ADAMTS16: variants seen among roughly 807,000 people sequenced by gnomAD.
ADAMTS16 encodes ADAM metallopeptidase with thrombospondin type 1 motif 16.
In ADAMTS16, 94 loss-of-function variants were observed where a neutral mutation model predicts 145.8. That is an observed-to-expected ratio of 0.64 (90% CI 0.55 to 0.77). The LOEUF is 0.77. ADAMTS16 is among the 30% of genes least tolerant of loss of function. The pLI, the probability that ADAMTS16 is intolerant of heterozygous loss-of-function variation, is 0.00. For missense variants in ADAMTS16, 1,585 were observed against 1,591.5 expected (o/e 1.00, Z 0.07); for synonymous variants, 659 against 604.3 (o/e 1.09, Z -1.33).
chr5:5,162,962 G>A (rs1324926302), intron 3 of ADAMTS16, among the ~76,000 whole-genome samples: 2 of 152,122 alleles, frequency 1.3e-5, no homozygotes, highest in African/African-American at 2.4e-5. Context: ...GGACATAACA[G>A]CAATAGTTCC....
chr5:5,227,424 A>G (rs1736799066), intron 11 of ADAMTS16, among the ~76,000 whole-genome samples: 2 of 152,092 alleles, frequency 1.3e-5, no homozygotes, highest in Admixed American at 6.6e-5. Context: ...GTGGAAATCT[A>G]TATATATATT....
chr5:5,319,114 G>C lies in ADAMTS16; in HGVS notation c.3651G>C (p.Lys1217Asn), dbSNP rs749477548. The C allele has an allele frequency of 6.2e-7, 1 of 1,612,292 alleles. No homozygotes were observed. The highest frequency in any genetic ancestry group is 1.7e-5 in the Admixed American group (1 of 59,898). ...AGTTCTACGGCAAGCAGTGCTGCAAGACTTGCTCTAAGTCCAACTTGTGAG... is the reference window on the plus strand; with the variant it reads ...AGTTCTACGGCAAGCAGTGCTGCAACACTTGCTCTAAGTCCAACTTGTGAG... ...SHKFYGKQCC[K>N]TCSKSNL Residue 1217 changes from lysine to asparagine, a missense_variant, in exon 23 of 23, where the codon AAG (lysine) becomes AAC (asparagine). By Grantham distance (94) the Lys-to-Asn change is moderately conservative. Around this residue, in one of 3 missense-constraint regions of ADAMTS16, gnomAD observed 834 missense variants for 811.7 expected, o/e 1.03. Coordinates refer to ENST00000274181, the MANE Select transcript of ADAMTS16 (RefSeq NM_139056.4).
Position 5,200,121 on chromosome 5 carries a change from C to G in ADAMTS16, c.1314-11C>G, listed in dbSNP as rs1896622. On this transcript the variant is annotated splice_polypyrimidine_tract_variant and intron_variant, in intron 8 of 22. Transcript: ENST00000274181. ...CTGAAAGAACCATCTCTCTCTCTCTCTCTCTCATAGCTTTGGCATGATTCA... is the reference window on the plus strand; with the variant it reads ...CTGAAAGAACCATCTCTCTCTCTCTGTCTCTCATAGCTTTGGCATGATTCA... 0.14 allele frequency: 230,183 copies of G among 1,595,256 alleles called. 18,477 individuals carry two copies. Among genetic ancestry groups the G allele is most frequent in the African/African-American group, 0.3 (22,458 of 74,524 alleles).
At chr5:5,261,433 T>C (rs1200023411) in intron 17 of ADAMTS16, among the ~76,000 whole-genome samples, 1 of 151,728 alleles carries the variant, frequency 6.6e-6, no homozygotes, top group Non-Finnish European at 1.5e-5. Context: ...CCACCATGCC[T>C]GGCCCTGCAT....
In ADAMTS16 at chr5:5,233,525, T is replaced by C. The variant is rs1025449811; in HGVS notation, c.1850+1009T>C. ...CCTTCCAACAGGCCACAGTGTGTAT[T>C]GTTTCCCTTTATATGTCCATGTGTT... On this transcript the variant is annotated intron_variant, in intron 12 of 22. Transcript: ENST00000274181. Among the ~76,000 whole-genome samples, 7 of 152,196 alleles carry C rather than the reference T, an allele frequency of 4.6e-5. No individual in the cohort carries two copies. In the East Asian group the frequency reaches 1.3e-3, roughly 29 times the overall value.
At position 5,204,393 on chromosome 5, in the gene ADAMTS16, G is replaced by A. The variant is rs116523559; in HGVS notation, c.1451+4124G>A. 3.0e-3 allele frequency among the ~76,000 whole-genome samples: 454 copies of A among 152,184 alleles called. 4 individuals carry two copies. Among genetic ancestry groups the A allele is most frequent in the African/African-American group, 0.01 (421 of 41,520 alleles). ...AGTGCCTACAGCTCAATGAATTTTG[G>A]CATGATGAACGCAATAGTGTAACTA... On this transcript the variant is annotated intron_variant, in intron 9 of 22. Coordinates refer to ENST00000274181, the MANE Select transcript of ADAMTS16 (RefSeq NM_139056.4).
At chr5:5,253,726 C>A (rs112033292) in intron 17 of ADAMTS16, among the ~76,000 whole-genome samples, 5 of 152,298 alleles carry the variant, frequency 3.3e-5, no homozygotes, top group African/African-American at 1.2e-4. Flanking sequence ...ATTCTCCAAT[C>A]CAGACCCCAC....
chr5:5,193,123 A>G (rs1241332646), intron 8 of ADAMTS16, among the ~76,000 whole-genome samples: 1 of 151,610 alleles, frequency 6.6e-6, no homozygotes, highest in Non-Finnish European at 1.5e-5. Flanking sequence ...CTGAGGCCTC[A>G]GACTTGTTCA....
intron 18 of ADAMTS16, among the ~76,000 whole-genome samples, chr5:5,289,005 T>C (rs959810770): frequency 1.3e-4 from 20 of 152,204 alleles, no homozygotes; most frequent in African/African-American, 4.3e-4. Flanking sequence ...TGCATGTGAA[T>C]GGGTTACTTG....
In ADAMTS16 at chr5:5,182,207, C is replaced by A; in HGVS notation, c.665C>A (p.Thr222Asn). The A allele has an allele frequency of 6.2e-7, 1 of 1,614,192 alleles. No homozygotes were observed. The highest frequency in any genetic ancestry group is 8.5e-7 in the Non-Finnish European group (1 of 1,180,040). Residue 222 changes from threonine to asparagine, a missense_variant, in exon 4 of 23, where the codon ACC (threonine) becomes AAC (asparagine). Transcript: ENST00000274181. ...HAPGASEVLV[T>N]SRTWELAHQP... The stretch of plus-strand genomic sequence containing the variant: ...CCTGGGGCCAGTGAGGTCCTGGTGA[C>A]CTCAAGGACATGGGAGCTGGCACAT...
intron 11 of ADAMTS16, among the ~76,000 whole-genome samples, chr5:5,230,644 T>TA (rs1159594185): frequency 2.6e-5 from 4 of 152,162 alleles, no homozygotes; most frequent in Non-Finnish European, 5.9e-5. Context: ...AATCTTTCAT[T>TA]AAAAAATAAG....
intron 21 of ADAMTS16, among the ~76,000 whole-genome samples, chr5:5,314,669 T>C (rs1187043154): frequency 6.6e-6 from 1 of 152,258 alleles, no homozygotes; most frequent in Non-Finnish European, 1.5e-5. Context: ...TTTTGAGAAA[T>C]GTGGAAGCTT....
intron 20 of ADAMTS16, among the ~76,000 whole-genome samples, chr5:5,305,625 C>T (rs1235923511): frequency 6.6e-6 from 1 of 152,204 alleles, no homozygotes; most frequent in Admixed American, 6.5e-5. Context: ...AAGTCCTCTC[C>T]ATCTTCGATC....
intron 3 of ADAMTS16, among the ~76,000 whole-genome samples, chr5:5,179,489 A>T (rs749296064): frequency 6.6e-6 from 1 of 152,234 alleles, no homozygotes; most frequent in African/African-American, 2.4e-5. Flanking sequence ...GCGTTATACA[A>T]GGTTGAACAC....
intron 9 of ADAMTS16, among the ~76,000 whole-genome samples, chr5:5,207,581 G>T (rs1006803673): frequency 1.3e-5 from 2 of 152,118 alleles, no homozygotes; most frequent in South Asian, 4.2e-4. Flanking sequence ...TGTTGAAAGG[G>T]AGTGGTAAGA....
intron 21 of ADAMTS16, among the ~76,000 whole-genome samples, chr5:5,308,831 T>C (rs1740297572): frequency 6.6e-6 from 1 of 151,434 alleles, no homozygotes; most frequent in African/African-American, 2.4e-5. Context: ...ACGCCTGTAA[T>C]CCCAGCTACT....
At chr5:5,148,189 T>C (rs916291383) in intron 3 of ADAMTS16, among the ~76,000 whole-genome samples, 4 of 152,248 alleles carry the variant, frequency 2.6e-5, no homozygotes, top group Non-Finnish European at 4.4e-5. Flanking sequence ...TTCCAAATAC[T>C]TGTAGTCCAG....
intron 18 of ADAMTS16, among the ~76,000 whole-genome samples, chr5:5,268,916 C>T (rs77525183): frequency 5.0e-4 from 76 of 152,202 alleles, no homozygotes; most frequent in African/African-American, 1.6e-3. Flanking sequence ...AGAAGGACTG[C>T]GCTCCCCGAC....
At chr5:5,193,826 G>A (rs757445572) in intron 8 of ADAMTS16, among the ~76,000 whole-genome samples, 4 of 152,132 alleles carry the variant, frequency 2.6e-5, no homozygotes, top group African/African-American at 4.8e-5. Flanking sequence ...GAAGCCAGTC[G>A]GGCGTGGTGG....
Sources: allele counts gnomAD v4.1 joint callset (sites outside exome capture counted in the v4.1 genomes callset), GRCh38; gene constraint gnomAD v4.1.1; regional missense constraint gnomAD v4.1.1; transcripts MANE v1.5; gene names NCBI Gene and HGNC (gene_info 2026-07-23, HGNC 2026-07-21).